PRCP: variants seen among roughly 807,000 people sequenced by gnomAD.
The protein encoded by PRCP is prolylcarboxypeptidase.
PRCP carries 46 observed loss-of-function variants against 54.2 expected under a neutral mutation model. That is an observed-to-expected ratio of 0.85 (90% CI 0.67 to 1.09). The LOEUF (loss-of-function observed/expected upper bound fraction) is 1.09, where lower values mean the gene tolerates loss of function less well. Among genes scored for constraint, PRCP ranks in the 50% least tolerant of loss-of-function variants. The pLI, the probability that PRCP is intolerant of heterozygous loss-of-function variation, is 0.00. For missense variants in PRCP, 613 were observed against 596.8 expected, an observed-to-expected ratio of 1.03 and a Z score of -0.28; for synonymous variants, 240 against 212.2, an observed-to-expected ratio of 1.13 and a Z score of -1.14.
At chr11:82,843,097 G>A (rs1775077877) in intron 6 of PRCP, 1 of 152,316 alleles carries the variant, frequency 6.6e-6, no homozygotes. Context: ...ACCACTTGAG[G>A]CCAGGAGTGC....
chr11:82,883,794 G>A (rs1859805213), intron 1 of PRCP, among the ~76,000 whole-genome samples: 1 of 152,166 alleles, frequency 6.6e-6, no homozygotes, highest in Non-Finnish European at 1.5e-5. Context: ...ATCACAGAAG[G>A]GTGGTTGGTA....
At chr11:82,883,946 G>A (rs1347728304) in intron 1 of PRCP, among the ~76,000 whole-genome samples, 2 of 152,144 alleles carry the variant, frequency 1.3e-5, no homozygotes. Context: ...AACACTCAAC[G>A]CCAAGGAGAA....
At chr11:82,888,222 C>T (rs1315176714) in intron 1 of PRCP, among the ~76,000 whole-genome samples, 1 of 152,162 alleles carries the variant, frequency 6.6e-6, no homozygotes, top group Non-Finnish European at 1.5e-5. Context: ...GAGAAAGCTT[C>T]TAAGAAAATC....
chr11:82,857,166 T>C (rs1859112091), intron 2 of PRCP, among the ~76,000 whole-genome samples: 1 of 151,964 alleles, frequency 6.6e-6, no homozygotes, highest in African/African-American at 2.4e-5. Context: ...CAAACAAGCA[T>C]ACTAAACTCC....
chr11:82,843,733 G>C (rs916659977), intron 6 of PRCP, among the ~76,000 whole-genome samples: 1 of 152,178 alleles, frequency 6.6e-6, no homozygotes, highest in African/African-American at 2.4e-5. Context: ...GAATAGCTGG[G>C]ACTGAGGTTG....
intron 8 of PRCP, chr11:82,837,148 C>A (rs1266452655): frequency 1.4e-5 from 3 of 211,854 alleles, no homozygotes; most frequent in East Asian, 1.2e-4. Context: ...TGAAAGTTGT[C>A]CTTCTCAATG....
Position 82,839,451 on chromosome 11 carries a change from GA to G in PRCP, c.922-27del, listed in dbSNP as rs1565219250. 3.2e-6 allele frequency: 5 copies of G among 1,577,082 alleles called. No homozygotes were observed. The East Asian group carries it at 1.1e-4, about 35-fold the overall frequency. ...CTGTCATTTTAGAAAGATAAATGGG[GA>G]AAGAGTCAGAATATGAATATAAAAT... On this transcript the variant is annotated intron_variant, in intron 6 of 8. Coordinates refer to ENST00000313010, the MANE Select transcript of PRCP (RefSeq NM_005040.4).
chr11:82,864,954 G>GC (rs1412233250), intron 1 of PRCP, among the ~76,000 whole-genome samples: 2 of 152,030 alleles, frequency 1.3e-5, no homozygotes, highest in African/African-American at 4.8e-5. Flanking sequence ...AGTTTTGATG[G>GC]CAACTTGGGG....
intron 8 of PRCP, chr11:82,830,403 G>C (rs1172066741): frequency 2.0e-5 from 3 of 152,000 alleles, no homozygotes; most frequent in African/African-American, 7.2e-5. Context: ...CGAGGTGGAT[G>C]GGTCACTTGA....
In PRCP at chr11:82,824,221, C is replaced by A. The variant is rs1439743350; in HGVS notation, c.*685G>T. On this transcript the variant is annotated 3_prime_UTR_variant, in exon 9 of 9. Transcript: ENST00000313010. ...AAGGCCAGATTTCTTACTGGCAGTA[C>A]CACAGTGGCCAACATCCCAGAACTA... 2 of 152,332 alleles carry A rather than the reference C, an allele frequency of 1.3e-5. No individual in the cohort carries two copies. Among genetic ancestry groups the A allele is most frequent in the East Asian group, 1.9e-4 (1 of 5,176 alleles). 9.4% of individuals were successfully genotyped at this position (152,332 alleles called of 1,614,324 possible). A position where few individuals can be genotyped will look rare whatever the true frequency, so the allele number is the denominator to read the frequency against.
At chr11:82,877,385 G>A (rs1420727391) in intron 1 of PRCP, among the ~76,000 whole-genome samples, 1 of 152,106 alleles carries the variant, frequency 6.6e-6, no homozygotes, top group African/African-American at 2.4e-5. Flanking sequence ...AGACCATGGG[G>A]AAAATGTCTC....
At chr11:82,866,666 A>G (rs1049602749) in intron 1 of PRCP, among the ~76,000 whole-genome samples, 1 of 152,196 alleles carries the variant, frequency 6.6e-6, no homozygotes, top group Admixed American at 6.5e-5. Context: ...AAAGGCAAGA[A>G]CACAATAGCT....
chr11:82,861,874 G>A (rs973821269), intron 1 of PRCP, among the ~76,000 whole-genome samples: 2 of 152,164 alleles, frequency 1.3e-5, no homozygotes, highest in Non-Finnish European at 2.9e-5. Context: ...AGGGACAAAT[G>A]TGTAATTTTA....
At chr11:82,900,196 G>T (rs1341644977) in intron 1 of PRCP, 39 bp downstream of exon 1, 1 of 1,608,062 alleles carries the variant, frequency 6.2e-7, no homozygotes, top group South Asian at 1.1e-5. Context: ...GGTTCCCGGC[G>T]GTTGGGCCTG....
At chr11:82,829,762 T>A (rs890753942) in intron 8 of PRCP, 1 of 152,220 alleles carries the variant, frequency 6.6e-6, no homozygotes, top group Non-Finnish European at 1.5e-5. Context: ...CCAAAAAATT[T>A]ACTGAATGAA....
At chr11:82,862,202 G>A (rs1859221966) in intron 1 of PRCP, among the ~76,000 whole-genome samples, 1 of 152,002 alleles carries the variant, frequency 6.6e-6, no homozygotes, top group Non-Finnish European at 1.5e-5. Flanking sequence ...TATTGTTTTG[G>A]CTACATAAGA....
chr11:82,852,795 C>T (rs2121152369), intron 3 of PRCP, among the ~76,000 whole-genome samples: 1 of 152,252 alleles, frequency 6.6e-6, no homozygotes. Flanking sequence ...AACATCTTAT[C>T]AGATAAATTT....
At chr11:82,827,408 C>A (rs1858263227) in intron 8 of PRCP, 1 of 152,074 alleles carries the variant, frequency 6.6e-6, no homozygotes. Flanking sequence ...ATATTTAAGC[C>A]TTTGACCTAT....
At chr11:82,827,005 T>C (rs1270122433) in intron 8 of PRCP, 1 of 152,202 alleles carries the variant, frequency 6.6e-6, no homozygotes, top group Non-Finnish European at 1.5e-5. Context: ...ATTGCAAGCA[T>C]TAGATCATTT....
Sources: allele counts gnomAD v4.1 joint callset (sites outside exome capture counted in the v4.1 genomes callset), GRCh38; gene constraint gnomAD v4.1.1; transcripts MANE v1.5; gene names NCBI Gene and HGNC (gene_info 2026-07-23, HGNC 2026-07-21).